The following LRRC4C variants were observed in gnomAD, a reference collection of about 807,000 sequenced individuals.
LRRC4C encodes leucine rich repeat containing 4C, also known as leucine-rich repeat-containing protein 4C.
A neutral mutation model predicts 33.6 loss-of-function variants in LRRC4C; 5 were observed. The observed-to-expected ratio is 0.15, with a 90% CI of 0.08 to 0.31. LRRC4C has a LOEUF of 0.31. Among genes scored for constraint, LRRC4C ranks in the 10% least tolerant of loss-of-function variants. LRRC4C has a pLI of 1.00. For synonymous variants in LRRC4C, 329 were observed against 302.0 expected, an observed-to-expected ratio of 1.09 and a Z score of -0.93; for missense variants, 560 against 796.7, an observed-to-expected ratio of 0.70 and a Z score of 3.58.
chr11:41,229,202 T>C (rs1480557652), intron 1 of LRRC4C, among the ~76,000 whole-genome samples: 2 of 152,042 alleles, frequency 1.3e-5, no homozygotes, highest in Non-Finnish European at 2.9e-5. Context: ...CTGGTATCCT[T>C]GTAAGAAAAG....
intron 2 of LRRC4C, among the ~76,000 whole-genome samples, chr11:40,818,029 A>ATTGAGTAG (rs1457783895): frequency 6.6e-6 from 1 of 152,028 alleles, no homozygotes; most frequent in Non-Finnish European, 1.5e-5. Flanking sequence ...AAAGCTCTTT[A>ATTGAGTAG]TTGAGTAGTT....
chr11:40,870,512 T>G (rs1186795014), intron 2 of LRRC4C, among the ~76,000 whole-genome samples: 1 of 152,166 alleles, frequency 6.6e-6, no homozygotes, highest in Non-Finnish European at 1.5e-5. Flanking sequence ...CAGAAGAATA[T>G]AAATTGTGAA....
chr11:41,259,579 C>A (rs372257249), intron 1 of LRRC4C, among the ~76,000 whole-genome samples: 1 of 151,916 alleles, frequency 6.6e-6, no homozygotes, highest in Non-Finnish European at 1.5e-5. Flanking sequence ...ATCACATATG[C>A]GCAAATGCAG....
At chr11:40,819,794 G>A (rs1375404069) in intron 2 of LRRC4C, among the ~76,000 whole-genome samples, 1 of 150,050 alleles carries the variant, frequency 6.7e-6, no homozygotes, top group Non-Finnish European at 1.5e-5. Context: ...ACTGTTCTGA[G>A]ATGGTTAAGC....
At chr11:41,034,939 G>A (rs773277139) in intron 1 of LRRC4C, among the ~76,000 whole-genome samples, 33 of 147,524 alleles carry the variant, frequency 2.2e-4, no homozygotes, top group Non-Finnish European at 3.8e-4. Flanking sequence ...GGGGGTCGTT[G>A]GTATTTTATT....
chr11:40,133,467 C>T (rs58711356), intron 6 of LRRC4C, among the ~76,000 whole-genome samples: 10,313 of 152,206 alleles, frequency 0.068, 408 homozygotes, highest in East Asian at 0.17. Context: ...CCAGGCGAAG[C>T]ACTAAAGATG....
chr11:40,129,480 T>C (rs1398332716), intron 6 of LRRC4C, among the ~76,000 whole-genome samples: 2 of 152,174 alleles, frequency 1.3e-5, no homozygotes, highest in Non-Finnish European at 2.9e-5. Flanking sequence ...CTGCTGTATG[T>C]GCCTAAAATA....
chr11:41,354,782 G>A (rs1419851604), intron 1 of LRRC4C, among the ~76,000 whole-genome samples: 1 of 151,928 alleles, frequency 6.6e-6, no homozygotes, highest in Non-Finnish European at 1.5e-5. Flanking sequence ...ATAAATAATG[G>A]AATAACTGGC....
At chr11:41,445,687 A>G (rs1274953103) in intron 1 of LRRC4C, among the ~76,000 whole-genome samples, 2 of 152,192 alleles carry the variant, frequency 1.3e-5, no homozygotes, top group East Asian at 1.9e-4. Flanking sequence ...CAGCCTTCCC[A>G]TCTGTAATAC....
chr11:40,204,857 G>A (rs934859962), intron 5 of LRRC4C, among the ~76,000 whole-genome samples: 17 of 152,052 alleles, frequency 1.1e-4, no homozygotes, highest in African/African-American at 2.2e-4. Flanking sequence ...TGCAATTTTC[G>A]CTGCTGATAC....
intron 2 of LRRC4C, among the ~76,000 whole-genome samples, chr11:40,757,599 GT>G (rs5791402): frequency 6.3e-5 from 9 of 142,796 alleles, no homozygotes; most frequent in South Asian, 2.2e-4. Context: ...CAAACTTTGA[GT>G]TTTTTTTTTT....
At chr11:40,838,835 C>T (rs1206282532) in intron 2 of LRRC4C, among the ~76,000 whole-genome samples, 2 of 151,708 alleles carry the variant, frequency 1.3e-5, no homozygotes, top group Non-Finnish European at 2.9e-5. Flanking sequence ...CATGATAAGC[C>T]ATCTCTTATA....
At chr11:40,392,280 C>T (rs1590585230) in intron 3 of LRRC4C, among the ~76,000 whole-genome samples, 1 of 152,084 alleles carries the variant, frequency 6.6e-6, no homozygotes, top group African/African-American at 2.4e-5. Flanking sequence ...TAATATACAA[C>T]ACAGAGTCAG....
At chr11:41,261,577 A>G (rs1280062037) in intron 1 of LRRC4C, among the ~76,000 whole-genome samples, 1 of 152,124 alleles carries the variant, frequency 6.6e-6, no homozygotes, top group Non-Finnish European at 1.5e-5. Context: ...CTTGAGAAAA[A>G]AAGGAAATAC....
chr11:40,954,513 T>C (rs894867309), intron 1 of LRRC4C, among the ~76,000 whole-genome samples: 17 of 151,850 alleles, frequency 1.1e-4, no homozygotes, highest in Non-Finnish European at 1.9e-4. Flanking sequence ...CTTATTTGAG[T>C]AGGGCTAGGA....
At chr11:40,832,506 C>T (rs556854306) in intron 2 of LRRC4C, among the ~76,000 whole-genome samples, 2 of 152,080 alleles carry the variant, frequency 1.3e-5, no homozygotes, top group African/African-American at 2.4e-5. Flanking sequence ...ATTAATAAAT[C>T]CCAAACTAGA....
At chr11:40,802,813 A>G (rs1951093860) in intron 2 of LRRC4C, among the ~76,000 whole-genome samples, 1 of 152,222 alleles carries the variant, frequency 6.6e-6, no homozygotes, top group Non-Finnish European at 1.5e-5. Context: ...TAACTTAATA[A>G]AAATTCCCAG....
At position 40,376,619 on chromosome 11, in the gene LRRC4C, G is replaced by T. The variant is rs1300401982; in HGVS notation, c.-269-56898C>A. On this transcript the variant is annotated intron_variant, in intron 3 of 6. Coordinates refer to ENST00000528697, the MANE Select transcript of LRRC4C (RefSeq NM_001258419.2). ...CCCAGTGTTTGGCATATATGAACTT[G>T]ATGAAGTTACCAACTTTGAAGTGAG... Among the ~76,000 whole-genome samples the T allele has an allele frequency of 2.0e-5, 3 of 152,102 alleles. No individual in the cohort carries two copies. The East Asian group carries it at 5.8e-4, about 29-fold the overall frequency.
At chr11:41,041,920 A>G (rs1258199763) in intron 1 of LRRC4C, among the ~76,000 whole-genome samples, 1 of 152,180 alleles carries the variant, frequency 6.6e-6, no homozygotes, top group Non-Finnish European at 1.5e-5. Flanking sequence ...AATTTTGTGG[A>G]TCTGATTTGT....
Sources: allele counts gnomAD v4.1 joint callset (sites outside exome capture counted in the v4.1 genomes callset), GRCh38; gene constraint gnomAD v4.1.1; transcripts MANE v1.5; gene names NCBI Gene and HGNC (gene_info 2026-07-23, HGNC 2026-07-21).